The following SLC28A1 variants were observed in gnomAD, a reference collection of about 807,000 sequenced individuals.
SLC28A1 encodes the protein sodium/nucleoside cotransporter 1.
In SLC28A1, 64 loss-of-function variants were observed where a neutral mutation model predicts 74.8. That is an observed-to-expected ratio of 0.86 (90% CI 0.70 to 1.05). SLC28A1 has a LOEUF of 1.05. Ranked by LOEUF, SLC28A1 falls within the 50% of genes least tolerant of loss-of-function variation. The probability of loss-of-function intolerance (pLI) is 0.00; values close to 1 mark genes in which losing one functional copy is unlikely to be tolerated. For missense variants in SLC28A1, 828 were observed against 822.8 expected (o/e 1.01, Z -0.08); for synonymous variants, 359 against 335.0 (o/e 1.07, Z -0.78).
intron 7 of SLC28A1, among the ~76,000 whole-genome samples, chr15:84,905,311 G>A (rs972973823): frequency 4.6e-5 from 7 of 152,180 alleles, no homozygotes; most frequent in Non-Finnish European, 7.3e-5. Context: ...CTGAGTTCTT[G>A]GTTAGAATCT....
chr15:84,948,401 G>GC (rs1327466962), downstream of SLC28A1, among the ~76,000 whole-genome samples: 2 of 152,114 alleles, frequency 1.3e-5, no homozygotes, highest in Non-Finnish European at 2.9e-5. Context: ...CTGTCAACAT[G>GC]TTTTTATGTT....
chr15:84,966,526 A>G, the SLC28A1 span, among the ~76,000 whole-genome samples: 1 of 152,088 alleles, frequency 6.6e-6, no homozygotes, highest in East Asian at 1.9e-4. Context: ...TCCTGGTTTC[A>G]AGCAATCCAC....
Position 84,918,607 on chromosome 15 carries a change from A to G in SLC28A1, c.876+3A>G, listed in dbSNP as rs766756697. 2 of 1,607,900 alleles carry G rather than the reference A, an allele frequency of 1.2e-6. No homozygotes were observed. The highest frequency in any genetic ancestry group is 1.7e-6 in the Non-Finnish European group (2 of 1,174,478). On this transcript the variant is annotated splice_donor_region_variant and intron_variant, in intron 10 of 18. Coordinates refer to ENST00000394573, the MANE Select transcript of SLC28A1 (RefSeq NM_004213.5). ...TCATGCAGTGGGTGATCCTGAAGGT[A>G]AGTTCCCAGTGCCCATGGCCAGGGC... is the stretch of plus-strand genomic sequence containing the variant.
rs1019218461 is a variant in SLC28A1 at position 84,923,895 on chromosome 15, G to C, written c.958-90G>C. ...CCCCATCCTGCTGCCTCTTACCGTG[G>C]GACTCCCAGCTGCTCACTGTGACCT... On this transcript the variant is annotated intron_variant, in intron 11 of 18. Coordinates refer to ENST00000394573, the MANE Select transcript of SLC28A1 (RefSeq NM_004213.5). 2.5e-6 allele frequency: 4 copies of C among 1,572,030 alleles called. No homozygotes were observed. In the African/African-American group the frequency reaches 5.4e-5, roughly 21 times the overall value.
In SLC28A1 at chr15:84,904,236, G is replaced by C. The variant is rs777812483; in HGVS notation, c.601G>C (p.Ala201Pro). Residue 201 changes from alanine (A) to proline (P), a missense_variant and splice_region_variant, in exon 7 of 19, where the codon GCA becomes CCA. Coordinates refer to ENST00000394573, the MANE Select transcript of SLC28A1 (RefSeq NM_004213.5). ...CTTTGCCTGCTCAAAGCATCATTGC[G>C]CAGTGAGTGCTAGTTGTGGGGCCCA... is the stretch of plus-strand genomic sequence containing the variant. ...LLFACSKHHC[A>P]VSWRAVSWGL... The C allele has an allele frequency of 2.5e-6, 4 of 1,613,800 alleles. No individual in the cohort carries two copies. Among genetic ancestry groups the C allele is most frequent in the Non-Finnish European group, 3.4e-6 (4 of 1,180,014 alleles).
At chr15:84,896,263 A>T (rs940064003) in intron 6 of SLC28A1, among the ~76,000 whole-genome samples, 5 of 152,246 alleles carry the variant, frequency 3.3e-5, no homozygotes, top group African/African-American at 1.2e-4. Context: ...GCAGAATTAC[A>T]ACTCAACCAT....
chr15:84,923,228 G>A (rs932416674), intron 11 of SLC28A1, among the ~76,000 whole-genome samples: 2 of 152,160 alleles, frequency 1.3e-5, no homozygotes, highest in African/African-American at 4.8e-5. Context: ...GTGAGCCACT[G>A]TGCCTGGCCT....
At chr15:84,897,283 G>A (rs1966111322) in intron 6 of SLC28A1, among the ~76,000 whole-genome samples, 1 of 151,684 alleles carries the variant, frequency 6.6e-6, no homozygotes, top group African/African-American at 2.4e-5. Context: ...CTACTCAGGA[G>A]GCAGAGGCAA....
chr15:84,905,738 G>A, intron 8 of SLC28A1, 86 bp downstream of exon 8: 4 of 1,021,260 alleles, frequency 3.9e-6, no homozygotes, highest in South Asian at 2.7e-5. Context: ...AAAGTGGGTG[G>A]TGAGGCCATA....
intron 12 of SLC28A1, among the ~76,000 whole-genome samples, chr15:84,926,809 G>T (rs150302036): frequency 0.081 from 11,458 of 140,860 alleles, 597 homozygotes; most frequent in Non-Finnish European, 0.088. Context: ...GGGAGGGGGG[G>T]GGTGGTGGTA....
rs935656334 is a variant in SLC28A1, at chr15:84,945,394, C to T, written c.*194C>T. The T allele has an allele frequency of 1.4e-5, 9 of 629,468 alleles. No homozygotes were observed. The highest frequency in any genetic ancestry group is 2.6e-5 in the Non-Finnish European group (9 of 343,452). 39.0% of individuals were successfully genotyped at this position (629,468 alleles called of 1,614,324 possible). A position where few individuals can be genotyped will look rare whatever the true frequency, so the allele number is the denominator to read the frequency against. On this transcript the variant is annotated 3_prime_UTR_variant, in exon 19 of 19. Coordinates refer to ENST00000394573, the MANE Select transcript of SLC28A1 (RefSeq NM_004213.5). ...TGAGGACATAAGGAAGGACATGTCC[C>T]ACTCCATCCCCCTTCCTGCTCCCCC...
chr15:84,884,983 G>C (rs1371714689), intron 1 of SLC28A1, among the ~76,000 whole-genome samples: 1 of 152,150 alleles, frequency 6.6e-6, no homozygotes, highest in Non-Finnish European at 1.5e-5. Context: ...TTTTGAGGTA[G>C]AGTCTCGCTC....
intron 11 of SLC28A1, among the ~76,000 whole-genome samples, chr15:84,923,566 G>C (rs368785571): frequency 6.6e-6 from 1 of 152,130 alleles, no homozygotes; most frequent in Non-Finnish European, 1.5e-5. Flanking sequence ...TTTGGCCACC[G>C]CTGTGGCTGC....
intron 6 of SLC28A1, among the ~76,000 whole-genome samples, chr15:84,899,898 A>AAAGC (rs1966416760): frequency 6.7e-6 from 1 of 149,952 alleles, no homozygotes; most frequent in Non-Finnish European, 1.5e-5. Flanking sequence ...AGGCAGAAAG[A>AAAGC]AAGAAAGAAA....
In SLC28A1 at chr15:84,905,533, T is replaced by G; in HGVS notation, c.604-6T>G. On this transcript the variant is annotated splice_region_variant and splice_polypyrimidine_tract_variant and intron_variant, in intron 7 of 18. Coordinates refer to ENST00000394573, the MANE Select transcript of SLC28A1 (RefSeq NM_004213.5). ...GAACTCAGCTTTCTGTTGGGTGGGG[T>G]GGTAGGTGTCCTGGAGGGCCGTGTC... 6.3e-7 allele frequency: 1 copy of G among 1,591,310 alleles called. No individual in the cohort carries two copies. Among genetic ancestry groups the G allele is most frequent in the Non-Finnish European group, 8.6e-7 (1 of 1,159,634 alleles).
chr15:84,912,259 A>G (rs1968368572), intron 9 of SLC28A1, among the ~76,000 whole-genome samples: 1 of 152,240 alleles, frequency 6.6e-6, no homozygotes, highest in Admixed American at 6.5e-5. Flanking sequence ...TGAGCTGAAC[A>G]GAAGACTCAG....
intron 11 of SLC28A1, 43 bp downstream of exon 11, chr15:84,921,112 C>T (rs1456625233): frequency 6.9e-7 from 1 of 1,455,358 alleles, no homozygotes; most frequent in South Asian, 1.1e-5. Context: ...TCAGCAGCTT[C>T]CCCAAAGAGG....
At chr15:84,889,176 C>G (rs1040760452) in intron 4 of SLC28A1, among the ~76,000 whole-genome samples, 7 of 152,176 alleles carry the variant, frequency 4.6e-5, no homozygotes, top group African/African-American at 1.7e-4. Context: ...CATTCAGTCT[C>G]TGGGGTACCT....
intron 6 of SLC28A1, among the ~76,000 whole-genome samples, chr15:84,899,967 A>AGAAGGAAG (rs372536809): frequency 7.3e-5 from 4 of 54,816 alleles, no homozygotes; most frequent in African/African-American, 1.7e-4. Flanking sequence ...AAGGAAGGAA[A>AGAAGGAAG]GAAGGAAGGA....
Sources: gnomAD v4.1 joint callset for allele counts (sites outside exome capture counted in the v4.1 genomes callset) on GRCh38, gnomAD v4.1.1 for gene constraint, MANE v1.5 for transcripts, NCBI Gene and HGNC (gene_info 2026-07-23, HGNC 2026-07-21) for gene names.